TBC1D22A: variants seen among roughly 807,000 people sequenced by gnomAD.
The protein encoded by TBC1D22A is putative GTPase activator.
Under a neutral mutation model 60.2 loss-of-function variants are expected in TBC1D22A, and 38 were observed. The ratio of observed to expected loss-of-function variants is 0.63; its 90% confidence interval spans 0.49 to 0.83. The LOEUF is 0.83. Ranked by LOEUF, TBC1D22A falls within the 40% of genes least tolerant of loss-of-function variation. TBC1D22A has a pLI of 0.00. For synonymous variants in TBC1D22A, 302 were observed against 281.7 expected (o/e 1.07, Z -0.72); for missense variants, 628 against 701.0 (o/e 0.90, Z 1.18).
intron 4 of TBC1D22A, among the ~76,000 whole-genome samples, chr22:46,814,765 G>T (rs1471511115): frequency 6.6e-6 from 1 of 151,394 alleles, no homozygotes; most frequent in Non-Finnish European, 1.5e-5. Flanking sequence ...TCCTGCATCA[G>T]CTCCCGAGTA....
At position 47,131,864 on chromosome 22, in the gene TBC1D22A, C is replaced by T. The variant is rs138695124; in HGVS notation, c.1425+20261C>T. 2.2e-3 allele frequency among the ~76,000 whole-genome samples: 334 copies of T among 152,326 alleles called. 3 individuals are homozygous for T. The highest frequency in any genetic ancestry group is 0.021 in the South Asian group (100 of 4,830). On this transcript the variant is annotated intron_variant, in intron 12 of 12. Coordinates refer to ENST00000337137, the MANE Select transcript of TBC1D22A (RefSeq NM_014346.5). ...AGTGCACAGTCCCGGGGCGCCCGCC[C>T]CGTCCAAGCCCAGCTGTGCTTGGGG...
At chr22:47,018,837 G>A (rs911390584) in intron 10 of TBC1D22A, among the ~76,000 whole-genome samples, 1 of 152,164 alleles carries the variant, frequency 6.6e-6, no homozygotes, top group Non-Finnish European at 1.5e-5. Flanking sequence ...GGGATCCTCA[G>A]GGCCCTCGCC....
intron 11 of TBC1D22A, among the ~76,000 whole-genome samples, chr22:47,059,363 C>T (rs1457533279): frequency 6.6e-6 from 1 of 152,248 alleles, no homozygotes; most frequent in East Asian, 1.9e-4. Flanking sequence ...GTTGCACTGG[C>T]AGCGTCCCCC....
At position 47,037,174 on chromosome 22, in the gene TBC1D22A, C is replaced by T; in HGVS notation, c.1305C>T (p.Thr435=). The part of the protein sequence containing the change: ...LLMREVPLRC[T]IRLWDTYQSE... Reference sequence around the variant, plus strand: ...TGAGGGAGGTGCCCCTGCGTTGTACCATCCGCCTGTGGGACACCTACCAGG... The same window carrying T: ...TGAGGGAGGTGCCCCTGCGTTGTACTATCCGCCTGTGGGACACCTACCAGG... The change falls in exon 11 of 13, where the codon ACC becomes ACT. Residue 435 remains threonine (T), a synonymous_variant. Transcript: ENST00000337137. 1 of 1,613,798 alleles carries T rather than the reference C, an allele frequency of 6.2e-7. No homozygotes were observed. Among genetic ancestry groups the T allele is most frequent in the Non-Finnish European group, 8.5e-7 (1 of 1,179,890 alleles).
At chr22:46,868,824 ATGT>A (rs1405837116) in intron 4 of TBC1D22A, among the ~76,000 whole-genome samples, 1 of 151,946 alleles carries the variant, frequency 6.6e-6, no homozygotes, top group African/African-American at 2.4e-5. Flanking sequence ...ATTGTTTGTG[ATGT>A]TGTAACTCTA....
intron 4 of TBC1D22A, among the ~76,000 whole-genome samples, chr22:46,824,830 G>C (rs1030246292): frequency 6.6e-6 from 1 of 152,134 alleles, no homozygotes; most frequent in Admixed American, 6.5e-5. Context: ...GCAACTTGGA[G>C]AGGAGCAGAT....
intron 4 of TBC1D22A, among the ~76,000 whole-genome samples, chr22:46,843,453 A>C (rs905677765): frequency 7.0e-6 from 1 of 142,692 alleles, no homozygotes; most frequent in African/African-American, 3.1e-5. Flanking sequence ...AGCTGTCCCA[A>C]ATATGAATCA....
intron 10 of TBC1D22A, among the ~76,000 whole-genome samples, chr22:47,032,207 C>T (rs748167412): frequency 6.6e-6 from 1 of 151,846 alleles, no homozygotes; most frequent in Non-Finnish European, 1.5e-5. Context: ...CCAGCAGTCA[C>T]CTCATCCTCA....
At chr22:46,913,198 G>A (rs1347094178) in intron 8 of TBC1D22A, 8 of 475,922 alleles carry the variant, frequency 1.7e-5, no homozygotes, top group South Asian at 2.1e-5. Flanking sequence ...TTTTTAATGC[G>A]TCTATGGATA....
At chr22:46,792,026 G>A (rs1449488430) in intron 1 of TBC1D22A, among the ~76,000 whole-genome samples, 1 of 152,220 alleles carries the variant, frequency 6.6e-6, no homozygotes. Flanking sequence ...CTCCCAAAGT[G>A]CTGGGATTAC....
chr22:47,032,484 T>C (rs904103420), intron 10 of TBC1D22A, among the ~76,000 whole-genome samples: 1 of 149,190 alleles, frequency 6.7e-6, no homozygotes. Context: ...GTGCCTGGAG[T>C]GAGAGGAGAG....
intron 8 of TBC1D22A, chr22:46,913,714 T>C: frequency 1.0e-6 from 1 of 985,276 alleles, no homozygotes; most frequent in Non-Finnish European, 1.2e-6. Context: ...GAAGTTCAAC[T>C]GAGATGTGAT....
chr22:46,925,114 T>C (rs2070975391), intron 8 of TBC1D22A, among the ~76,000 whole-genome samples: 1 of 152,262 alleles, frequency 6.6e-6, no homozygotes, highest in South Asian at 2.1e-4. Flanking sequence ...GTTTTAGCTT[T>C]CCATTGTTAG....
At chr22:46,967,840 C>T (rs1602712337) in intron 8 of TBC1D22A, among the ~76,000 whole-genome samples, 1 of 151,584 alleles carries the variant, frequency 6.6e-6, no homozygotes, top group South Asian at 2.2e-4. Flanking sequence ...CAGTGCACCC[C>T]CTGGTAATTA....
At chr22:47,162,413 G>A (rs5005654) in intron 12 of TBC1D22A, among the ~76,000 whole-genome samples, 92,391 of 151,588 alleles carry the variant, frequency 0.61, 28,340 homozygotes, top group East Asian at 0.71. Context: ...ATGGCGTGTG[G>A]TGTGAGGGGA....
chr22:47,127,763 G>A (rs375657858), intron 12 of TBC1D22A, among the ~76,000 whole-genome samples: 127 of 152,066 alleles, frequency 8.4e-4, no homozygotes, highest in African/African-American at 2.7e-3. Context: ...CACAGGGAGT[G>A]GGCTTCCACG....
intron 11 of TBC1D22A, among the ~76,000 whole-genome samples, chr22:47,052,628 G>A (rs190721460): frequency 2.3e-4 from 35 of 152,330 alleles, no homozygotes; most frequent in African/African-American, 7.9e-4. Context: ...TGTGCTTGCG[G>A]CAGCCACATC....
At chr22:46,821,966 C>T (rs1167931329) in intron 4 of TBC1D22A, among the ~76,000 whole-genome samples, 1 of 151,860 alleles carries the variant, frequency 6.6e-6, no homozygotes, top group Non-Finnish European at 1.5e-5. Flanking sequence ...TTCTTGTCTG[C>T]ATACCTTATT....
At chr22:47,166,944 C>T (rs1220996586) in intron 12 of TBC1D22A, among the ~76,000 whole-genome samples, 11 of 152,226 alleles carry the variant, frequency 7.2e-5, no homozygotes, top group South Asian at 2.1e-4. Flanking sequence ...CAGCACCAGG[C>T]GGGGCACTGT....
Sources: gnomAD v4.1 joint callset for allele counts (sites outside exome capture counted in the v4.1 genomes callset) on GRCh38, gnomAD v4.1.1 for gene constraint, MANE v1.5 for transcripts, NCBI Gene and HGNC (gene_info 2026-07-23, HGNC 2026-07-21) for gene names.